The following CDYL variants were observed in gnomAD, a reference collection of about 807,000 sequenced individuals.
CDYL encodes chromodomain Y like.
Under a neutral mutation model 47.3 loss-of-function variants are expected in CDYL, and 8 were observed. The observed-to-expected ratio is 0.17, with a 90% CI of 0.10 to 0.31. The LOEUF (loss-of-function observed/expected upper bound fraction) is 0.31, where lower values mean the gene tolerates loss of function less well. Ranked by LOEUF, CDYL falls within the 10% of genes least tolerant of loss-of-function variation. The probability of loss-of-function intolerance (pLI) is 1.00; values close to 1 mark genes in which losing one functional copy is unlikely to be tolerated. For missense variants in CDYL, 471 were observed against 701.4 expected, an observed-to-expected ratio of 0.67 and a Z score of 3.71; for synonymous variants, 266 against 265.0, an observed-to-expected ratio of 1.00 and a Z score of -0.04.
chr6:4,734,103 G>C (rs1460308847), intron 2 of CDYL, among the ~76,000 whole-genome samples: 1 of 152,138 alleles, frequency 6.6e-6, no homozygotes, highest in African/African-American at 2.4e-5. Flanking sequence ...GCCTCCCAAA[G>C]TGCTGGGATT....
At chr6:4,750,015 A>G (rs1028230973) in intron 3 of CDYL, among the ~76,000 whole-genome samples, 1 of 152,068 alleles carries the variant, frequency 6.6e-6, no homozygotes, top group African/African-American at 2.4e-5. Context: ...TTCATTCCTA[A>G]TTAGGTAACA....
intron 1 of CDYL, among the ~76,000 whole-genome samples, chr6:4,710,154 G>T (rs1757122157): frequency 6.6e-6 from 1 of 152,130 alleles, no homozygotes; most frequent in African/African-American, 2.4e-5. Flanking sequence ...CCTGGGAGGT[G>T]GAGGTTGCAG....
chr6:4,871,661 C>T lies in CDYL; in HGVS notation c.25-20052C>T, dbSNP rs182817078. On this transcript the variant is annotated intron_variant, in intron 1 of 6. Transcript: ENST00000397588. ...AAATATTGACTGTGCATCTGTGATT[C>T]GCTCTAGTGGGTTGGGATTTTTTGT... Among the ~76,000 whole-genome samples the T allele has an allele frequency of 1.2e-4, 18 of 152,238 alleles. 1 individual carries two copies. The East Asian group carries it at 1.4e-3, about 11-fold the overall frequency.
intron 1 of CDYL, among the ~76,000 whole-genome samples, chr6:4,787,841 C>T (rs1005618371): frequency 1.5e-5 from 2 of 135,160 alleles, no homozygotes; most frequent in Non-Finnish European, 3.0e-5. Context: ...GGCACGATCT[C>T]GGCTCACTGC....
At chr6:4,825,019 C>T (rs963315934) in intron 1 of CDYL, among the ~76,000 whole-genome samples, 2 of 151,992 alleles carry the variant, frequency 1.3e-5, no homozygotes, top group African/African-American at 4.8e-5. Context: ...TACAGGTGCC[C>T]ACCACCAAGC....
intron 1 of CDYL, among the ~76,000 whole-genome samples, chr6:4,708,576 G>A (rs754952448): frequency 5.9e-5 from 9 of 152,070 alleles, no homozygotes; most frequent in Admixed American, 2.0e-4. Flanking sequence ...TGTATTGGTA[G>A]GTGTTATATG....
intron 2 of CDYL, among the ~76,000 whole-genome samples, chr6:4,730,047 A>G (rs773188405): frequency 6.6e-6 from 1 of 152,166 alleles, no homozygotes; most frequent in Non-Finnish European, 1.5e-5. Flanking sequence ...TTTGCTGGAG[A>G]TATTACCAGA....
chr6:4,793,647 C>G (rs1171812980), intron 1 of CDYL, among the ~76,000 whole-genome samples: 1 of 152,104 alleles, frequency 6.6e-6, no homozygotes, highest in African/African-American at 2.4e-5. Flanking sequence ...TAGAAGGAAG[C>G]CGGGAGACCA....
At chr6:4,745,529 G>C (rs530177685) in intron 3 of CDYL, among the ~76,000 whole-genome samples, 1 of 151,930 alleles carries the variant, frequency 6.6e-6, no homozygotes, top group Non-Finnish European at 1.5e-5. Context: ...ATCACTTGAG[G>C]TCAGGAATTC....
At chr6:4,919,135 G>A (rs541765049) in intron 2 of CDYL, among the ~76,000 whole-genome samples, 1 of 152,064 alleles carries the variant, frequency 6.6e-6, no homozygotes, top group East Asian at 1.9e-4. Context: ...AGTTCTTTTC[G>A]TTATCCTACT....
chr6:4,798,468 A>T (rs1759137127), intron 1 of CDYL, among the ~76,000 whole-genome samples: 2 of 152,130 alleles, frequency 1.3e-5, no homozygotes, highest in Admixed American at 1.3e-4. Context: ...TGAGTTTCTG[A>T]TAGTTTAAGA....
At chr6:4,827,272 A>C (rs1760006497) in intron 1 of CDYL, among the ~76,000 whole-genome samples, 1 of 152,182 alleles carries the variant, frequency 6.6e-6, no homozygotes, top group Non-Finnish European at 1.5e-5. Flanking sequence ...CTGTCAGAAA[A>C]GTTTAATTTA....
At position 4,888,220 on chromosome 6, in the gene CDYL, C is replaced by G. The variant is rs182877233; in HGVS notation, c.25-3493C>G. On this transcript the variant is annotated intron_variant, in intron 1 of 6. Transcript: ENST00000397588. ...CATATAAAGTGTGGTAAATTGTTTT[C>G]TAATTACTGGAAGAGTTTATGAAGA... 4.1e-3 allele frequency among the ~76,000 whole-genome samples: 629 copies of G among 152,042 alleles called. 1 individual carries two copies. Among genetic ancestry groups the G allele is most frequent in the African/African-American group, 0.014 (591 of 41,482 alleles).
At chr6:4,830,361 C>T (rs1220344038) in intron 1 of CDYL, among the ~76,000 whole-genome samples, 1 of 152,176 alleles carries the variant, frequency 6.6e-6, no homozygotes, top group Admixed American at 6.5e-5. Flanking sequence ...CTCTCTTCTG[C>T]CATAAGTACA....
intron 3 of CDYL, among the ~76,000 whole-genome samples, chr6:4,744,741 A>G (rs1757858325): frequency 1.3e-5 from 2 of 152,214 alleles, no homozygotes; most frequent in African/African-American, 2.4e-5. Flanking sequence ...TAATTTTTCC[A>G]AAGTCATAGC....
intron 1 of CDYL, among the ~76,000 whole-genome samples, chr6:4,859,141 C>G (rs1181856775): frequency 6.6e-6 from 1 of 152,120 alleles, no homozygotes; most frequent in African/African-American, 2.4e-5. Context: ...GCTGGCAGTT[C>G]TTTTACTAAG....
chr6:4,920,660 C>A (rs1373219644), intron 2 of CDYL, among the ~76,000 whole-genome samples: 1 of 152,118 alleles, frequency 6.6e-6, no homozygotes, highest in African/African-American at 2.4e-5. Flanking sequence ...GCTCTGTCGC[C>A]CAGGCTGGAG....
intron 1 of CDYL, among the ~76,000 whole-genome samples, chr6:4,834,878 C>T (rs1760251313): frequency 6.6e-6 from 1 of 152,100 alleles, no homozygotes; most frequent in Non-Finnish European, 1.5e-5. Context: ...GCTCCTGAGG[C>T]TTCTGTATTC....
chr6:4,837,519 C>G (rs1421374910), intron 1 of CDYL, among the ~76,000 whole-genome samples: 3 of 146,806 alleles, frequency 2.0e-5, no homozygotes, highest in African/African-American at 7.6e-5. Context: ...GGCTGGAGTG[C>G]AGTGGCACGA....
Sources: allele counts gnomAD v4.1 joint callset (sites outside exome capture counted in the v4.1 genomes callset), GRCh38; gene constraint gnomAD v4.1.1; transcripts MANE v1.5; gene names NCBI Gene and HGNC (gene_info 2026-07-23, HGNC 2026-07-21).